Variants in REXO1 observed in about 807,000 individuals in gnomAD.
REXO1 encodes the protein REX1, RNA exonuclease 1 homolog.
REXO1 carries 42 observed loss-of-function variants against 102.6 expected under a neutral mutation model. The ratio of observed to expected loss-of-function variants is 0.41; its 90% CI spans 0.32 to 0.53. REXO1 has a LOEUF of 0.53. Among genes scored for constraint, REXO1 ranks in the 20% least tolerant of loss-of-function variants. The pLI is 0.27. For missense variants in REXO1, 1,819 were observed against 1,732.5 expected (o/e 1.05, Z -0.89); for synonymous variants, 908 against 779.1 (o/e 1.17, Z -2.76).
At chr19:1,820,733 C>T (rs186295972) in intron 5 of REXO1, among the ~76,000 whole-genome samples, 239 of 152,356 alleles carry the variant, frequency 1.6e-3, no homozygotes, top group Middle Eastern at 0.014. Flanking sequence ...TGGCTCACGC[C>T]TATAATCCCA....
rs992257372 is a variant in REXO1, at chr19:1,828,000, G to A, written c.789C>T (p.Arg263=). 5.6e-6 allele frequency: 9 copies of A among 1,613,178 alleles called. No homozygotes were observed. The highest frequency in any genetic ancestry group is 1.7e-4 in the Middle Eastern group (1 of 6,060). ...ERAAKRPRGS[R]GSEPYTPAPK... is the part of the protein sequence containing the mutation. ...GAGCAGGTGTGTAGGGCTCACTGCC[G>A]CGGGAGCCCCGGGGCCGCTTGGCGG... Residue 263 remains arginine (R), a synonymous_variant, in exon 2 of 16, where the codon CGC becomes CGT. Transcript: ENST00000170168.
In REXO1 at chr19:1,828,951, TCGACA is replaced by T. The variant is rs199644363; in HGVS notation, c.158-325_158-321del. 1.6e-3 allele frequency among the ~76,000 whole-genome samples: 240 copies of T among 152,302 alleles called. 8 individuals carry two copies. The East Asian group carries it at 0.042, about 27-fold the overall frequency. On this transcript the variant is annotated intron_variant, in intron 1 of 15. Transcript: ENST00000170168. ...ACAATGACCATGGTGGGGTGGACAC[TCGACA>T]GGCTGGAACTCCCCGGGGCAGGCGG...
rs924344122 is a variant in REXO1, at chr19:1,819,099, C to T, written c.2683G>A (p.Val895Met). 1.3e-6 allele frequency: 2 copies of T among 1,595,034 alleles called. No homozygotes were observed. The highest frequency in any genetic ancestry group is 1.7e-6 in the Non-Finnish European group (2 of 1,169,940). ...GCGGCCAACCTGCCCCCCAACACCA[C>T]CTCGTGGGACACAACCCTGCGGCCA... The part of the protein sequence containing the change: ...TSGRRVVSHE[V>M]VLGGRLAAKT... The change falls in exon 8 of 16, where the codon GTG becomes ATG. Residue 895 changes from valine to methionine, a missense_variant. Coordinates refer to ENST00000170168, the MANE Select transcript of REXO1 (RefSeq NM_020695.4).
chr19:1,828,132 G>C lies in REXO1; in HGVS notation c.657C>G (p.Gly219=). The C allele has an allele frequency of 3.1e-6, 5 of 1,612,370 alleles. No individual in the cohort carries two copies. Among genetic ancestry groups the C allele is most frequent in the Non-Finnish European group, 4.2e-6 (5 of 1,179,748 alleles). The stretch of plus-strand genomic sequence containing the variant: ...GCCTGGAGTTGTCCACCACGTACTT[G>C]CCACTGGGAACGGGGCGGCTGTGCC... ...PRRHSRPVPS[G]KYVVDNSRPP... Residue 219 remains glycine, a synonymous_variant, in exon 2 of 16, where the codon GGC becomes GGG. Transcript: ENST00000170168.
intron 4 of REXO1, 107 bp from the exon 5 acceptor site, chr19:1,821,789 C>A (rs763632581): frequency 1.9e-6 from 2 of 1,026,408 alleles, no homozygotes; most frequent in South Asian, 1.6e-5. Context: ...CGTGCATCTC[C>A]GCGTGCAGGG....
Position 1,816,496 on chromosome 19 carries a change from TCAG to T in REXO1, c.3388_3390del (p.Leu1130del). On this transcript the variant is annotated inframe_deletion, in exon 14 of 16. Transcript: ENST00000170168. The stretch of plus-strand genomic sequence containing the variant: ...AGGATGGTGTCAGCGCTGAACATGC[TCAG>T]CAGAACGGCCTGGACGTCACGCAGC... 1 of 1,612,430 alleles carries T rather than the reference TCAG, an allele frequency of 6.2e-7. No homozygotes were observed. Among genetic ancestry groups the T allele is most frequent in the Non-Finnish European group, 8.5e-7 (1 of 1,179,724 alleles).
intron 3 of REXO1, among the ~76,000 whole-genome samples, chr19:1,824,746 G>A (rs942194595): frequency 2.0e-5 from 3 of 151,986 alleles, no homozygotes; most frequent in Admixed American, 6.6e-5. Context: ...CAGGAACAAT[G>A]TCCCAAAGAA....
intron 1 of REXO1, among the ~76,000 whole-genome samples, chr19:1,839,337 G>A (rs889141992): frequency 6.6e-6 from 1 of 152,152 alleles, no homozygotes; most frequent in Non-Finnish European, 1.5e-5. Flanking sequence ...TTCCCAGTGG[G>A]TGTTTCTGGG....
intron 1 of REXO1, among the ~76,000 whole-genome samples, chr19:1,845,957 C>G (rs921468042): frequency 6.6e-6 from 1 of 152,218 alleles, no homozygotes; most frequent in Non-Finnish European, 1.5e-5. Context: ...CTCGATAAGC[C>G]TCCGTTTCCC....
intron 1 of REXO1, among the ~76,000 whole-genome samples, chr19:1,839,377 A>T (rs952371252): frequency 6.6e-6 from 1 of 152,088 alleles, no homozygotes; most frequent in Non-Finnish European, 1.5e-5. Flanking sequence ...GGCACAGAGG[A>T]CTAAAAGCAT....
intron 1 of REXO1, among the ~76,000 whole-genome samples, chr19:1,832,405 C>T (rs1402833449): frequency 6.6e-6 from 1 of 152,224 alleles, no homozygotes; most frequent in African/African-American, 2.4e-5. Context: ...CAGCTGCCCG[C>T]TGCCTGTACC....
Position 1,818,741 on chromosome 19 carries a change from A to T in REXO1, c.2867T>A (p.Ile956Asn). 6.2e-7 allele frequency: 1 copy of T among 1,611,122 alleles called. No individual in the cohort carries two copies. The highest frequency in any genetic ancestry group is 8.5e-7 in the Non-Finnish European group (1 of 1,179,872). ...FPHPERPGGA[I>N]IFTAEEKRPK... ...CCTCTTCTCCTCAGCTGTGAAGATG[A>T]TTGCGCCCCCGGGCCGCTCTGGGTG... The change falls in exon 9 of 16, where the codon ATC becomes AAC. Residue 956 changes from isoleucine (I) to asparagine (N), a missense_variant. Physicochemically the swap from Ile to Asn is moderately radical, Grantham distance 149. Coordinates refer to ENST00000170168, the MANE Select transcript of REXO1 (RefSeq NM_020695.4).
At chr19:1,824,188 G>A (rs566419978) in intron 3 of REXO1, 1 of 175,182 alleles carries the variant, frequency 5.7e-6, no homozygotes, top group Non-Finnish European at 1.2e-5. Flanking sequence ...CTCTCTGCTT[G>A]TCCTGCACTA....
chr19:1,834,188 C>G (rs1466484136), intron 1 of REXO1, among the ~76,000 whole-genome samples: 2 of 152,168 alleles, frequency 1.3e-5, no homozygotes, highest in Non-Finnish European at 2.9e-5. Context: ...ATACACACAC[C>G]AGCCAGCAGA....
intron 1 of REXO1, among the ~76,000 whole-genome samples, chr19:1,844,379 G>A (rs2011440873): frequency 6.6e-6 from 1 of 152,246 alleles, no homozygotes; most frequent in South Asian, 2.1e-4. Context: ...GGACCCCAGA[G>A]CCCATGTGAG....
At position 1,825,935 on chromosome 19, in the gene REXO1, C is replaced by T; in HGVS notation, c.1920G>A (p.Lys640=). The change falls in exon 3 of 16, where the codon AAG becomes AAA. Residue 640 remains lysine (K), a synonymous_variant. Coordinates refer to ENST00000170168, the MANE Select transcript of REXO1 (RefSeq NM_020695.4). ...DRGRLARQPP[K]EEKSEEKGLS... ...GCCCCTTCTCCTCACTCTTCTCTTCCTTGGGGGGCTAAGACACATGTCCGT... is the reference window on the plus strand; with the variant it reads ...GCCCCTTCTCCTCACTCTTCTCTTCTTTGGGGGGCTAAGACACATGTCCGT... 1 of 1,604,944 alleles carries T rather than the reference C, an allele frequency of 6.2e-7. No homozygotes were observed. The highest frequency in any genetic ancestry group is 1.1e-5 in the South Asian group (1 of 90,842).
chr19:1,836,777 A>T (rs895876825), intron 1 of REXO1, among the ~76,000 whole-genome samples: 7 of 148,342 alleles, frequency 4.7e-5, no homozygotes, highest in African/African-American at 1.7e-4. Flanking sequence ...AGAACCCGGC[A>T]GGCCCAGCCC....
At position 1,828,573 on chromosome 19, in the gene REXO1, A is replaced by T; in HGVS notation, c.216T>A (p.Asn72Lys). The T allele has an allele frequency of 6.2e-7, 1 of 1,604,040 alleles. No individual in the cohort carries two copies. The change falls in exon 2 of 16, where the codon AAT (asparagine) becomes AAA (lysine). Residue 72 changes from asparagine (N) to lysine (K), a missense_variant. Transcript: ENST00000170168. ...ELPKPPAQRE[N>K]GTLGLGEEPR... ...GCTCCTCCCCCAGGCCCAGGGTGCCATTCTCCCTCTGCGCGGGGGGCTTGG... is the reference window on the plus strand; with the variant it reads ...GCTCCTCCCCCAGGCCCAGGGTGCCTTTCTCCCTCTGCGCGGGGGGCTTGG...
rs1443083368 is a variant in REXO1, at chr19:1,829,026, G to A, written c.158-395C>T. Among the ~76,000 whole-genome samples, 3 of 152,244 alleles carry A rather than the reference G, an allele frequency of 2.0e-5. No homozygotes were observed. The East Asian group carries it at 5.8e-4, about 29-fold the overall frequency. On this transcript the variant is annotated intron_variant, in intron 1 of 15. Coordinates refer to ENST00000170168, the MANE Select transcript of REXO1 (RefSeq NM_020695.4). ...CAGGGTGCCGGGCTGAGGCAGGACT[G>A]GGCTGGGCCGACAACCACAGCCTGA...
Sources: gnomAD v4.1 joint callset for allele counts (sites outside exome capture counted in the v4.1 genomes callset) on GRCh38, gnomAD v4.1.1 for gene constraint, MANE v1.5 for transcripts, NCBI Gene and HGNC (gene_info 2026-07-23, HGNC 2026-07-21) for gene names.